Variants in NUDT21 observed in about 807,000 individuals in gnomAD.
NUDT21 encodes nudix hydrolase 21, also known as cleavage and polyadenylation specificity factor subunit 5.
In NUDT21, 5 loss-of-function variants were observed where a neutral mutation model predicts 29.8. The ratio of observed to expected loss-of-function variants is 0.17; its 90% CI spans 0.09 to 0.35. NUDT21 has a LOEUF of 0.35. NUDT21 is among the 10% of genes least tolerant of loss of function. NUDT21 has a pLI of 1.00. For synonymous variants in NUDT21, 113 were observed against 98.5 expected (o/e 1.15, Z -0.87); for missense variants, 76 against 276.0 (o/e 0.28, Z 5.13).
chr16:56,434,284 T>C (rs1962069693), intron 6 of NUDT21, 47 bp downstream of exon 6: 4 of 1,226,600 alleles, frequency 3.3e-6, no homozygotes, highest in Non-Finnish European at 4.8e-6. Flanking sequence ...ATATTTTAAA[T>C]TTGACAGTTA....
chr16:56,440,193 G>A (rs1391977083), intron 3 of NUDT21, among the ~76,000 whole-genome samples: 1 of 151,938 alleles, frequency 6.6e-6, no homozygotes, highest in Non-Finnish European at 1.5e-5. Context: ...CATTCTTCTT[G>A]GTCTTAAATA....
intron 2 of NUDT21, chr16:56,447,569 A>G (rs1962233505): frequency 1.9e-6 from 1 of 525,842 alleles, no homozygotes; most frequent in African/African-American, 1.9e-5. Flanking sequence ...AAGCTCAATC[A>G]TTAACATCAA....
Position 56,446,474 on chromosome 16 carries a change from T to TA in NUDT21, c.381+151dup, listed in dbSNP as rs144601877. On this transcript the variant is annotated intron_variant, in intron 3 of 6. Transcript: ENST00000300291. ...TTGAAATAAGTGTAACTTCAACTTG[T>TA]AAAAAAAAATCAACATTGTACTAAC... 2,721 of 516,616 alleles carry TA rather than the reference T, an allele frequency of 5.3e-3. 46 individuals carry two copies. The highest frequency in any genetic ancestry group is 0.043 in the African/African-American group (2,160 of 50,274). 32.0% of individuals were successfully genotyped at this position (516,616 alleles called of 1,614,324 possible). A position where few individuals can be genotyped will look rare whatever the true frequency, so the allele number is the denominator to read the frequency against.
intron 1 of NUDT21, chr16:56,449,234 T>C (rs1211823988): frequency 2.0e-5 from 3 of 152,184 alleles, no homozygotes; most frequent in Non-Finnish European, 4.4e-5. Context: ...CTCCAATATA[T>C]CAGTAAGGAG....
chr16:56,447,549 G>C (rs1375257854), intron 2 of NUDT21: 3 of 490,962 alleles, frequency 6.1e-6, no homozygotes, highest in African/African-American at 3.9e-5. Flanking sequence ...TATTCCATGG[G>C]GTTTCTACCA....
Position 56,432,478 on chromosome 16 carries a change from G to A in NUDT21, c.*234C>T, listed in dbSNP as rs1962045028. The A allele has an allele frequency of 2.5e-6, 1 of 394,464 alleles. No individual in the cohort carries two copies. The highest frequency in any genetic ancestry group is 4.6e-6 in the Non-Finnish European group (1 of 215,498). 24.4% of individuals were successfully genotyped at this position (394,464 alleles called of 1,614,324 possible). On this transcript the variant is annotated 3_prime_UTR_variant, in exon 7 of 7. Coordinates refer to ENST00000300291, the MANE Select transcript of NUDT21 (RefSeq NM_007006.3). The stretch of plus-strand genomic sequence containing the variant: ...ATAAAAAAAGTCCATTTTCTTTAAT[G>A]TTGTACAAAAAAGTATGAGCAGAAC...
At chr16:56,440,527 G>T (rs1240331766) in intron 3 of NUDT21, among the ~76,000 whole-genome samples, 1 of 152,074 alleles carries the variant, frequency 6.6e-6, no homozygotes, top group Non-Finnish European at 1.5e-5. Flanking sequence ...TGTGTTTGAT[G>T]ATCTTGATAG....
At position 56,432,653 on chromosome 16, in the gene NUDT21, G is replaced by C; in HGVS notation, c.*59C>G. 1 of 1,533,356 alleles carries C rather than the reference G, an allele frequency of 6.5e-7. No individual in the cohort carries two copies. The highest frequency in any genetic ancestry group is 1.2e-5 in the South Asian group (1 of 86,710). The allele number at this position is 1,533,356 out of a possible 1,614,324, so 95.0% of individuals were successfully genotyped here. A position where few individuals can be genotyped will look rare whatever the true frequency, so the allele number is the denominator to read the frequency against. Reference sequence around the variant, plus strand: ...TTTTCTACCACATTTATTCTACACTGTATATAGCTGTGCTCACAGAGACAA... The same window carrying C: ...TTTTCTACCACATTTATTCTACACTCTATATAGCTGTGCTCACAGAGACAA... On this transcript the variant is annotated 3_prime_UTR_variant, in exon 7 of 7. Transcript: ENST00000300291.
intron 6 of NUDT21, among the ~76,000 whole-genome samples, chr16:56,433,207 C>G (rs7186820): frequency 0.028 from 4,297 of 152,252 alleles, 234 homozygotes; most frequent in African/African-American, 0.098. Context: ...ATTTCATACT[C>G]AATAAGCTTT....
In NUDT21 at chr16:56,431,731, T is replaced by A. The variant is rs1212461357; in HGVS notation, c.*981A>T. 6.6e-6 allele frequency: 1 copy of A among 151,790 alleles called. No homozygotes were observed. Among genetic ancestry groups the A allele is most frequent in the Admixed American group, 6.6e-5 (1 of 15,246 alleles). 9.4% of individuals were successfully genotyped at this position (151,790 alleles called of 1,614,324 possible). A position where few individuals can be genotyped will look rare whatever the true frequency, so the allele number is the denominator to read the frequency against. ...TTGATCCGAATTTATCAGTATTTTT[T>A]AAAGTTTTTAAAATTTCGTTTTTCT... On this transcript the variant is annotated 3_prime_UTR_variant, in exon 7 of 7. Transcript: ENST00000300291.
At position 56,451,264 on chromosome 16, in the gene NUDT21, G is replaced by A. The variant is rs1317072884; in HGVS notation, c.-62C>T. 2.3e-6 allele frequency: 3 copies of A among 1,294,988 alleles called. No homozygotes were observed. The highest frequency in any genetic ancestry group is 1.5e-5 in the African/African-American group (1 of 68,054). 80.2% of individuals were successfully genotyped at this position (1,294,988 alleles called of 1,614,324 possible). On this transcript the variant is annotated 5_prime_UTR_variant, in exon 1 of 7. Transcript: ENST00000300291. ...GGCAGGCAGGGTAGACTTTCCCCGTGCGGGAAGCGGTTATCTGCAATCCCC... is the reference window on the plus strand; with the variant it reads ...GGCAGGCAGGGTAGACTTTCCCCGTACGGGAAGCGGTTATCTGCAATCCCC...
rs1962047187 is a variant in NUDT21, at chr16:56,432,634, A to G, written c.*78T>C. On this transcript the variant is annotated 3_prime_UTR_variant, in exon 7 of 7. Transcript: ENST00000300291. Reference sequence around the variant, plus strand: ...GAGATAAAACCAAAAAAACTTTTCTACCACATTTATTCTACACTGTATATA... The same window carrying G: ...GAGATAAAACCAAAAAAACTTTTCTGCCACATTTATTCTACACTGTATATA... 4 of 1,329,908 alleles carry G rather than the reference A, an allele frequency of 3.0e-6. No homozygotes were observed. The highest frequency in any genetic ancestry group is 4.1e-6 in the Non-Finnish European group (4 of 972,358). The allele number at this position is 1,329,908 out of a possible 1,614,324, so 82.4% of individuals were successfully genotyped here. A position where few individuals can be genotyped will look rare whatever the true frequency, so the allele number is the denominator to read the frequency against.
chr16:56,442,206 G>T (rs1296403489), intron 3 of NUDT21, among the ~76,000 whole-genome samples: 1 of 152,178 alleles, frequency 6.6e-6, no homozygotes, highest in Non-Finnish European at 1.5e-5. Context: ...CTATCATCCT[G>T]CTGTAATCTG....
chr16:56,446,505 G>A (rs1214342335), intron 3 of NUDT21, 121 bp downstream of exon 3: 4 of 583,406 alleles, frequency 6.9e-6, no homozygotes, highest in African/African-American at 5.8e-5. Context: ...CTAACCTTCT[G>A]GAGTTTAAGT....
rs1784077334 is a variant in NUDT21, at chr16:56,446,940, G to A, written c.318-251C>T. 4 of 335,192 alleles carry A rather than the reference G, an allele frequency of 1.2e-5. No individual in the cohort carries two copies. The South Asian group carries it at 2.5e-4, about 21-fold the overall frequency. 20.8% of individuals were successfully genotyped at this position (335,192 alleles called of 1,614,324 possible). A position where few individuals can be genotyped will look rare whatever the true frequency, so the allele number is the denominator to read the frequency against. On this transcript the variant is annotated intron_variant, in intron 2 of 6. Coordinates refer to ENST00000300291, the MANE Select transcript of NUDT21 (RefSeq NM_007006.3). ...TTTTATTTTATTGTAGATTCAACGG[G>A]TACATGTACAAGTTTGTTACATAGG...
At chr16:56,450,242 A>T (rs1962272867) in intron 1 of NUDT21, among the ~76,000 whole-genome samples, 1 of 152,222 alleles carries the variant, frequency 6.6e-6, no homozygotes, top group Non-Finnish European at 1.5e-5. Context: ...AAACGATTTT[A>T]AAAAGCATTA....
intron 1 of NUDT21, among the ~76,000 whole-genome samples, 145 bp downstream of exon 1, chr16:56,450,929 AAGGGGCCTGAGAG>A (rs1387660640): frequency 6.6e-6 from 1 of 152,210 alleles, no homozygotes; most frequent in East Asian, 1.9e-4. Context: ...GAGGATGAGA[AAGGGGCCTGAGAG>A]AGGGAGGAAG....
chr16:56,444,803 G>A (rs181125384), intron 3 of NUDT21, among the ~76,000 whole-genome samples: 55 of 152,216 alleles, frequency 3.6e-4, no homozygotes, highest in Non-Finnish European at 6.2e-4. Flanking sequence ...ATTACAGAGT[G>A]GGGAAGACAA....
rs1435916068 is a variant in NUDT21 at position 56,429,648 on chromosome 16, T to G, written c.*3064A>C. 6.6e-6 allele frequency: 1 copy of G among 152,220 alleles called. No homozygotes were observed. Among genetic ancestry groups the G allele is most frequent in the Non-Finnish European group, 1.5e-5 (1 of 68,036 alleles). 9.4% of individuals were successfully genotyped at this position (152,220 alleles called of 1,614,324 possible). ...CCAGTTTAACCCAAATAATCAGTGA[T>G]GTATAACAAGTGAAGTAAGTATGGG... On this transcript the variant is annotated 3_prime_UTR_variant, in exon 7 of 7. Transcript: ENST00000300291.
Sources: allele counts gnomAD v4.1 joint callset (sites outside exome capture counted in the v4.1 genomes callset), GRCh38; gene constraint gnomAD v4.1.1; transcripts MANE v1.5; gene names NCBI Gene and HGNC (gene_info 2026-07-23, HGNC 2026-07-21).